SPAG16: variants seen among roughly 807,000 people sequenced by gnomAD.
SPAG16 encodes sperm associated antigen 16, also known as sperm-associated antigen 16 protein.
A neutral mutation model predicts 80.4 loss-of-function variants in SPAG16; 86 were observed. The ratio of observed to expected loss-of-function variants is 1.07; its 90% CI spans 0.90 to 1.28. SPAG16 has a LOEUF of 1.28. SPAG16 is among the 50% of genes most tolerant of loss of function. The pLI, the probability that SPAG16 is intolerant of heterozygous loss-of-function variation, is 0.00. For missense variants in SPAG16, 870 were observed against 765.3 expected (o/e 1.14, Z -1.61); for synonymous variants, 294 against 265.9 (o/e 1.11, Z -1.03).
chr2:213,730,846 TTTTG>T (rs148596650), intron 10 of SPAG16, among the ~76,000 whole-genome samples: 3,434 of 152,246 alleles, frequency 0.023, 89 homozygotes, highest in African/African-American at 0.064. Context: ...TGTTGTGTTG[TTTTG>T]TTTGTTTGTT....
intron 10 of SPAG16, among the ~76,000 whole-genome samples, chr2:213,713,061 G>T (rs1052990564): frequency 2.0e-5 from 3 of 152,270 alleles, no homozygotes; most frequent in South Asian, 4.2e-4. Context: ...CGAGCGCAGT[G>T]GGGGAAAGCC....
At chr2:214,191,181 A>G (rs1201764783) in intron 15 of SPAG16, among the ~76,000 whole-genome samples, 4 of 152,090 alleles carry the variant, frequency 2.6e-5, no homozygotes, top group Non-Finnish European at 5.9e-5. Flanking sequence ...GAGACCACCT[A>G]GCAGAAGCAG....
At chr2:214,081,498 A>G (rs1005947720) in intron 13 of SPAG16, among the ~76,000 whole-genome samples, 2 of 152,304 alleles carry the variant, frequency 1.3e-5, no homozygotes, top group Middle Eastern at 3.4e-3. Flanking sequence ...ACAGAGAGAG[A>G]GAATGCCATA....
intron 9 of SPAG16, among the ~76,000 whole-genome samples, chr2:213,433,211 AC>A (rs2070410291): frequency 6.6e-6 from 1 of 152,194 alleles, no homozygotes; most frequent in Non-Finnish European, 1.5e-5. Context: ...AAGAATGTGC[AC>A]TTTGGCCAAT....
intron 15 of SPAG16, among the ~76,000 whole-genome samples, chr2:214,180,785 A>G (rs1020724226): frequency 6.6e-6 from 1 of 151,700 alleles, no homozygotes; most frequent in Non-Finnish European, 1.5e-5. Context: ...GATTTTTCTT[A>G]TACCTAAAGA....
At chr2:214,034,437 TC>T (rs1264795254) in intron 13 of SPAG16, among the ~76,000 whole-genome samples, 2 of 152,242 alleles carry the variant, frequency 1.3e-5, no homozygotes, top group African/African-American at 4.8e-5. Context: ...GCCAGTGGTG[TC>T]TTTGCTTGAG....
At chr2:214,007,032 A>C (rs1016396644) in intron 12 of SPAG16, among the ~76,000 whole-genome samples, 1 of 152,176 alleles carries the variant, frequency 6.6e-6, no homozygotes, top group African/African-American at 2.4e-5. Context: ...TAAATTATGA[A>C]TGTGTACAGC....
chr2:213,374,796 TTTAA>T (rs1251439600), intron 8 of SPAG16, among the ~76,000 whole-genome samples: 1 of 152,096 alleles, frequency 6.6e-6, no homozygotes, highest in Admixed American at 6.6e-5. Flanking sequence ...TCACCATGTA[TTTAA>T]TTAACCTTGT....
At chr2:214,248,452 G>A (rs1255007853) in intron 15 of SPAG16, among the ~76,000 whole-genome samples, 3 of 151,752 alleles carry the variant, frequency 2.0e-5, no homozygotes, top group African/African-American at 7.3e-5. Flanking sequence ...TGAGTAGCTG[G>A]GACTGCAGGC....
intron 10 of SPAG16, among the ~76,000 whole-genome samples, chr2:213,602,907 C>A (rs1283813887): frequency 6.6e-6 from 1 of 152,214 alleles, no homozygotes. Flanking sequence ...TCCTGCACAT[C>A]CTTTTAACTT....
intron 12 of SPAG16, among the ~76,000 whole-genome samples, chr2:213,960,565 G>GT: frequency 6.6e-6 from 1 of 151,996 alleles, no homozygotes; most frequent in Non-Finnish European, 1.5e-5. Flanking sequence ...TTGGTTTATT[G>GT]TTTTTGTTTT....
At chr2:213,285,771 A>G (rs2062032705) in intron 1 of SPAG16, 3 of 580,668 alleles carry the variant, frequency 5.2e-6, no homozygotes, top group Non-Finnish European at 8.0e-6. Flanking sequence ...TTTGAAAGAA[A>G]TATATGGGTG....
chr2:213,297,236 T>C, intron 2 of SPAG16, 26 bp from the exon 3 acceptor site: 4 of 1,561,758 alleles, frequency 2.6e-6, no homozygotes, highest in Non-Finnish European at 3.5e-6. Context: ...TCACTCTTCC[T>C]ATCCTTCTCT....
intron 15 of SPAG16, among the ~76,000 whole-genome samples, chr2:214,193,433 G>GT (rs1190679574): frequency 2.8e-4 from 35 of 126,562 alleles, no homozygotes; most frequent in East Asian, 6.0e-4. Context: ...GTATGAGAGA[G>GT]AGAGAGAGAG....
At chr2:213,869,264 A>AAAAATATAT (rs552335638) in intron 11 of SPAG16, among the ~76,000 whole-genome samples, 1 of 63,594 alleles carries the variant, frequency 1.6e-5, no homozygotes, top group African/African-American at 4.3e-5. Flanking sequence ...AAAAAAAAAA[A>AAAAATATAT]ATATATATAT....
intron 15 of SPAG16, among the ~76,000 whole-genome samples, chr2:214,224,907 T>G (rs2058666259): frequency 6.6e-6 from 1 of 151,876 alleles, no homozygotes; most frequent in South Asian, 2.1e-4. Context: ...TGGGCAGGGG[T>G]AGAGTCAAAT....
chr2:213,437,269 C>G (rs79288876), intron 9 of SPAG16, among the ~76,000 whole-genome samples: 9,113 of 152,170 alleles, frequency 0.06, 903 homozygotes, highest in African/African-American at 0.21. Flanking sequence ...ATTGCCCATG[C>G]CTTATCTCTT....
chr2:213,285,902 G>GC (rs1332878465), intron 1 of SPAG16: 1 of 1,289,366 alleles, frequency 7.8e-7, no homozygotes, highest in Admixed American at 2.3e-5. Context: ...TATATCCAGT[G>GC]CCCTTGCTAC....
intron 15 of SPAG16, among the ~76,000 whole-genome samples, chr2:214,261,108 A>C (rs1184005181): frequency 1.2e-3 from 2 of 1,652 alleles, no homozygotes; most frequent in Non-Finnish European, 9.4e-3. Context: ...ACTCAGTCTC[A>C]AAAAAAAAAA....
Sources: gnomAD v4.1 joint callset for allele counts (sites outside exome capture counted in the v4.1 genomes callset) on GRCh38, gnomAD v4.1.1 for gene constraint, MANE v1.5 for transcripts, NCBI Gene and HGNC (gene_info 2026-07-23, HGNC 2026-07-21) for gene names.